The following EP400 variants were observed in gnomAD, a reference collection of about 807,000 sequenced individuals.
EP400 encodes E1A binding protein p400.
EP400 carries 105 observed loss-of-function variants against 354.1 expected under a neutral mutation model. The ratio of observed to expected loss-of-function variants is 0.30; its 90% CI spans 0.25 to 0.35. The LOEUF is 0.35. Ranked by LOEUF, EP400 falls within the 10% of genes least tolerant of loss-of-function variation. The pLI is 1.00. For synonymous variants in EP400, 1,646 were observed against 1,716.9 expected (o/e 0.96, Z 1.02); for missense variants, 3,280 against 4,121.0 (o/e 0.80, Z 5.59).
chr12:132,010,086 T>C (rs763259756), intron 15 of EP400, among the ~76,000 whole-genome samples: 9 of 138,548 alleles, frequency 6.5e-5, no homozygotes, highest in Non-Finnish European at 1.3e-4. Flanking sequence ...AGGTTGTGTC[T>C]TTTTTTTTTT....
chr12:132,037,036 A>G (rs11835531), intron 30 of EP400, among the ~76,000 whole-genome samples: 47,711 of 151,940 alleles, frequency 0.31, 13,554 homozygotes, highest in African/African-American at 0.77. Context: ...AGCTTTTTTG[A>G]GGTTTAGCAT....
intron 30 of EP400, among the ~76,000 whole-genome samples, chr12:132,036,454 G>A: frequency 6.6e-6 from 1 of 152,228 alleles, no homozygotes; most frequent in Non-Finnish European, 1.5e-5. Context: ...ACACACCCAG[G>A]TTCACACGGA....
intron 37 of EP400, 21 bp from the exon 38 acceptor site, chr12:132,045,298 G>A: frequency 6.2e-7 from 1 of 1,613,196 alleles, no homozygotes; most frequent in Non-Finnish European, 8.5e-7. Context: ...CTCTCTTGCT[G>A]AAGACTGCCT....
Position 132,077,583 on chromosome 12 carries a change from C to A in EP400, c.9282C>A (p.Ala3094=), listed in dbSNP as rs1420471477. Residue 3094 remains alanine, a synonymous_variant, in exon 53 of 53, where the codon GCC becomes GCA. Transcript: ENST00000389561. ...PGAPNPAQVP[A]SSDSPSQQPK... is the part of the protein sequence containing the mutation. ...CTCCCAACCCAGCCCAGGTGCCCGC[C>A]AGCTCCGACAGCCCAAGCCAGCAGC... The A allele has an allele frequency of 6.2e-7, 1 of 1,613,998 alleles. No homozygotes were observed. Among genetic ancestry groups the A allele is most frequent in the Admixed American group, 1.7e-5 (1 of 60,016 alleles).
intron 50 of EP400, 136 bp from the exon 51 acceptor site, chr12:132,069,359 G>GGT: frequency 8.1e-7 from 1 of 1,233,354 alleles, no homozygotes; most frequent in Non-Finnish European, 1.1e-6. Flanking sequence ...AGGAGATGTG[G>GGT]GTATGCACAG....
chr12:132,011,060 A>G (rs1234317768), intron 15 of EP400, among the ~76,000 whole-genome samples: 1 of 152,246 alleles, frequency 6.6e-6, no homozygotes, highest in Non-Finnish European at 1.5e-5. Context: ...GCCCTTGGCT[A>G]ACAAAACACA....
chr12:132,002,016 C>T (rs865993975), intron 12 of EP400, among the ~76,000 whole-genome samples: 2 of 152,142 alleles, frequency 1.3e-5, no homozygotes, highest in Non-Finnish European at 2.9e-5. Flanking sequence ...GATGGCTTGC[C>T]GCCCACATAT....
chr12:132,056,630 A>G (rs1593379210), intron 45 of EP400, among the ~76,000 whole-genome samples: 5 of 152,324 alleles, frequency 3.3e-5, no homozygotes, highest in Admixed American at 3.3e-4. Context: ...AGCAAAAACT[A>G]CACTGTAAGC....
intron 30 of EP400, among the ~76,000 whole-genome samples, chr12:132,033,119 T>C (rs1894579953): frequency 6.6e-6 from 1 of 152,014 alleles, no homozygotes; most frequent in African/African-American, 2.4e-5. Context: ...TGCTAGTTTT[T>C]GTATTTTTAG....
At chr12:132,057,719 C>T (rs1430801489) in intron 45 of EP400, among the ~76,000 whole-genome samples, 3 of 152,192 alleles carry the variant, frequency 2.0e-5, no homozygotes, top group Non-Finnish European at 4.4e-5. Flanking sequence ...CAACTTCAGG[C>T]TCTGTCACTG....
At chr12:132,039,480 C>A (rs1894823718) in intron 32 of EP400, among the ~76,000 whole-genome samples, 1 of 152,126 alleles carries the variant, frequency 6.6e-6, no homozygotes, top group Non-Finnish European at 1.5e-5. Context: ...GAGACCCACT[C>A]CCCCAGCCCC....
In EP400 at chr12:131,969,777, C is replaced by T. The variant is rs1215102813; in HGVS notation, c.1335+7823C>T. On this transcript the variant is annotated intron_variant, in intron 2 of 52. Transcript: ENST00000389561. The stretch of plus-strand genomic sequence containing the variant: ...ATTGAAGATAACTCTTGGTCGGGCA[C>T]GGTGGCTCACGCCTGTAATCCCAGC... Among the ~76,000 whole-genome samples, 5 of 152,270 alleles carry T rather than the reference C, an allele frequency of 3.3e-5. No homozygotes were observed. The East Asian group carries it at 9.6e-4, about 29-fold the overall frequency.
rs1457821896 is a variant in EP400, at chr12:131,990,453, T to C, written c.2551-183T>C. On this transcript the variant is annotated intron_variant, in intron 8 of 52. Transcript: ENST00000389561. This position sits in a 1 kb window ranked among gnomAD's most constrained non-coding sequence, Gnocchi z 4.2. Reference sequence around the variant, plus strand: ...CTTTTTTGAAATTTTAATTCTTACCTCACCACCTAATAGAACCTGGGCAGG... The same window carrying C: ...CTTTTTTGAAATTTTAATTCTTACCCCACCACCTAATAGAACCTGGGCAGG... Among the ~76,000 whole-genome samples the C allele has an allele frequency of 6.6e-6, 1 of 152,118 alleles. No individual in the cohort carries two copies. Among genetic ancestry groups the C allele is most frequent in the Non-Finnish European group, 1.5e-5 (1 of 68,030 alleles).
chr12:131,975,456 T>G (rs1449812803), intron 2 of EP400, among the ~76,000 whole-genome samples: 1 of 152,224 alleles, frequency 6.6e-6, no homozygotes, highest in Non-Finnish European at 1.5e-5. Flanking sequence ...TGCACTGCAC[T>G]GTCCTGGTTC....
intron 12 of EP400, among the ~76,000 whole-genome samples, chr12:131,999,705 C>T (rs973929424): frequency 3.9e-5 from 6 of 152,102 alleles, no homozygotes; most frequent in Non-Finnish European, 8.8e-5. Context: ...TCCCAAAGTG[C>T]TGGGGTTACA....
chr12:132,077,772 A>G lies in EP400; in HGVS notation c.*99A>G. 1 of 1,345,266 alleles carries G rather than the reference A, an allele frequency of 7.4e-7. No homozygotes were observed. The highest frequency in any genetic ancestry group is 2.5e-5 in the East Asian group (1 of 40,276). 83.3% of individuals were successfully genotyped at this position (1,345,266 alleles called of 1,614,324 possible). A position where few individuals can be genotyped will look rare whatever the true frequency, so the allele number is the denominator to read the frequency against. The stretch of plus-strand genomic sequence containing the variant: ...TGGGACCATGTCACGCAAGAGATTC[A>G]GCACTGGGAAAGATATAATTGAAAC... On this transcript the variant is annotated 3_prime_UTR_variant, in exon 53 of 53. Coordinates refer to ENST00000389561, the MANE Select transcript of EP400 (RefSeq NM_015409.5).
rs762022153 is a variant in EP400, at chr12:132,027,441, C to T, written c.5019C>T (p.Gly1673=). ...TCTTCCTTTATGCATTTGTAGTTGG[C>T]GTTCCGGGCCGCGTGGCGGTGAATG... ...PSPAPLTPQV[G]VPGRVAVNAL... The change falls in exon 26 of 53, where the codon GGC becomes GGT. Residue 1673 remains glycine (G), a synonymous_variant. Coordinates refer to ENST00000389561, the MANE Select transcript of EP400 (RefSeq NM_015409.5). This position sits in a 1 kb window ranked among gnomAD's most constrained non-coding sequence, Gnocchi z 4.9. The T allele has an allele frequency of 5.0e-6, 8 of 1,614,056 alleles. No homozygotes were observed. Among genetic ancestry groups the T allele is most frequent in the East Asian group, 2.2e-5 (1 of 44,882 alleles).
At chr12:131,950,263 C>T (rs909013495) in intron 1 of EP400, among the ~76,000 whole-genome samples, 1 of 152,074 alleles carries the variant, frequency 6.6e-6, no homozygotes, top group East Asian at 1.9e-4. Context: ...CGCCCGTCCC[C>T]CGCAGGTCGC....
At chr12:132,035,622 A>C (rs556407373) in intron 30 of EP400, among the ~76,000 whole-genome samples, 1 of 151,178 alleles carries the variant, frequency 6.6e-6, no homozygotes, top group East Asian at 2.0e-4. Flanking sequence ...AACGTCGTGG[A>C]AGGGCACACC....
Sources: gnomAD v4.1 joint callset for allele counts (sites outside exome capture counted in the v4.1 genomes callset) on GRCh38, gnomAD v4.1.1 for gene constraint, Gnocchi (gnomAD v3.1) non-coding constraint, MANE v1.5 for transcripts, NCBI Gene and HGNC (gene_info 2026-07-23, HGNC 2026-07-21) for gene names.